The following RBFOX2 variants were observed in gnomAD, a reference collection of about 807,000 sequenced individuals.
RBFOX2 encodes the protein RNA binding protein fox-1 homolog 2.
In RBFOX2, 10 loss-of-function variants were observed where a neutral mutation model predicts 49.1. The ratio of observed to expected loss-of-function variants is 0.20; its 90% CI spans 0.13 to 0.35. RBFOX2 has a LOEUF of 0.35. Among genes scored for constraint, RBFOX2 ranks in the 10% least tolerant of loss-of-function variants. The pLI, the probability that RBFOX2 is intolerant of heterozygous loss-of-function variation, is 1.00. For missense variants in RBFOX2, 323 were observed against 486.9 expected (o/e 0.66, Z 3.17); for synonymous variants, 183 against 187.4 (o/e 0.98, Z 0.19).
At chr22:35,886,040 T>A (rs965551010) in intron 1 of RBFOX2, among the ~76,000 whole-genome samples, 1 of 151,766 alleles carries the variant, frequency 6.6e-6, no homozygotes, top group Non-Finnish European at 1.5e-5. Flanking sequence ...GTATTTTTAG[T>A]AGAGACGGGG....
intron 1 of RBFOX2, among the ~76,000 whole-genome samples, chr22:35,908,074 C>A (rs2049323538): frequency 6.6e-6 from 1 of 152,172 alleles, no homozygotes; most frequent in African/African-American, 2.4e-5. Flanking sequence ...GCCAAGAAGT[C>A]AACTGGTGTA....
intron 4 of RBFOX2, among the ~76,000 whole-genome samples, chr22:35,770,959 T>A (rs1942499888): frequency 6.6e-6 from 1 of 152,196 alleles, no homozygotes; most frequent in Admixed American, 6.5e-5. Context: ...TTTATAAGCA[T>A]CTTTTCCCTG....
intron 1 of RBFOX2, among the ~76,000 whole-genome samples, chr22:35,881,915 C>T (rs1430120357): frequency 1.3e-5 from 2 of 148,658 alleles, no homozygotes; most frequent in Admixed American, 6.7e-5. Flanking sequence ...GCCAAGATCA[C>T]GCCACTGCAC....
intron 2 of RBFOX2, among the ~76,000 whole-genome samples, chr22:35,801,388 A>G (rs776994098): frequency 2.6e-5 from 4 of 152,046 alleles, no homozygotes; most frequent in Middle Eastern, 3.4e-3. Flanking sequence ...AGGTTTTACA[A>G]TGTATTGCTC....
chr22:35,774,433 T>C (rs1943409158), intron 4 of RBFOX2, among the ~76,000 whole-genome samples: 1 of 152,156 alleles, frequency 6.6e-6, no homozygotes, highest in South Asian at 2.1e-4. Flanking sequence ...ATCTTAATAG[T>C]ACATTTTTAA....
intron 1 of RBFOX2, among the ~76,000 whole-genome samples, chr22:35,957,357 G>A (rs2055687465): frequency 6.6e-6 from 1 of 152,124 alleles, no homozygotes; most frequent in Non-Finnish European, 1.5e-5. Flanking sequence ...CCAACACACA[G>A]GCAGTTCTGA....
At chr22:35,878,023 C>CA (rs2149259509) in intron 1 of RBFOX2, among the ~76,000 whole-genome samples, 1 of 137,500 alleles carries the variant, frequency 7.3e-6, no homozygotes, top group South Asian at 2.3e-4. Flanking sequence ...CATATACATA[C>CA]TACTACTACT....
upstream of RBFOX2, chr22:35,961,802 C>T: frequency 9.4e-7 from 1 of 1,060,082 alleles, no homozygotes; most frequent in Non-Finnish European, 1.2e-6. Context: ...CTAAATTTAG[C>T]TACTTGGGAT....
intron 2 of RBFOX2, among the ~76,000 whole-genome samples, chr22:35,792,336 AAAAGAAAAGAAAAG>A (rs1947902573): frequency 1.0e-5 from 1 of 100,234 alleles, no homozygotes; most frequent in African/African-American, 5.5e-5. Context: ...AAAAAAAAAG[AAAAGAAAAGAAAAG>A]AAAAGAAAAG....
intron 1 of RBFOX2, among the ~76,000 whole-genome samples, chr22:35,885,835 C>T (rs1171677737): frequency 6.9e-6 from 1 of 144,402 alleles, no homozygotes; most frequent in African/African-American, 2.6e-5. Flanking sequence ...AAGTGAAACC[C>T]AAACCTAATT....
intron 2 of RBFOX2, among the ~76,000 whole-genome samples, chr22:35,783,572 A>C (rs977369478): frequency 6.6e-6 from 1 of 152,134 alleles, no homozygotes; most frequent in African/African-American, 2.4e-5. Context: ...GGGGGTGACC[A>C]CTAGAATGGT....
chr22:35,786,437 A>G (rs1026356296), intron 2 of RBFOX2, among the ~76,000 whole-genome samples: 9 of 152,254 alleles, frequency 5.9e-5, no homozygotes, highest in African/African-American at 1.9e-4. Context: ...ATAGATAAAA[A>G]TACATAAATT....
chr22:35,875,607 GGT>G (rs56137825), intron 1 of RBFOX2, among the ~76,000 whole-genome samples: 12,274 of 117,296 alleles, frequency 0.1, 563 homozygotes, highest in Middle Eastern at 0.12. Context: ...TGCTCACAAG[GGT>G]GTGTGTGTGT....
At chr22:35,947,672 T>G (rs199510306) in intron 1 of RBFOX2, among the ~76,000 whole-genome samples, 1 of 34,144 alleles carries the variant, frequency 2.9e-5, no homozygotes, top group African/African-American at 1.2e-4. Flanking sequence ...GTTTAAAAAG[T>G]AAAAAAAAAA....
chr22:35,924,162 T>C (rs1201822282), intron 1 of RBFOX2, among the ~76,000 whole-genome samples: 1 of 152,204 alleles, frequency 6.6e-6, no homozygotes, highest in East Asian at 1.9e-4. Flanking sequence ...GTATTCCACC[T>C]GTTAGCCCTC....
At chr22:35,888,488 T>C (rs943871746) in intron 1 of RBFOX2, among the ~76,000 whole-genome samples, 1 of 152,152 alleles carries the variant, frequency 6.6e-6, no homozygotes, top group Admixed American at 6.5e-5. Context: ...GTCCATTTAA[T>C]GTTGCTATAA....
At chr22:35,897,766 A>G in intron 1 of RBFOX2, 1 of 765,066 alleles carries the variant, frequency 1.3e-6, no homozygotes, top group Non-Finnish European at 2.4e-6. Flanking sequence ...ATAATTAAGG[A>G]ATCTATCCTC....
At chr22:36,012,635 A>C (rs2058865910) in intron 1 of RBFOX2, among the ~76,000 whole-genome samples, 2 of 152,166 alleles carry the variant, frequency 1.3e-5, no homozygotes, top group African/African-American at 4.8e-5. Context: ...GAGTATTACG[A>C]GCAATTTTAG....
intron 1 of RBFOX2, among the ~76,000 whole-genome samples, chr22:35,909,897 G>C (rs1320536747): frequency 6.6e-6 from 1 of 152,228 alleles, no homozygotes; most frequent in Non-Finnish European, 1.5e-5. Context: ...ATAGGCGTGA[G>C]CCACTGTGCC....
Sources: allele counts gnomAD v4.1 joint callset (sites outside exome capture counted in the v4.1 genomes callset), GRCh38; gene constraint gnomAD v4.1.1; transcripts MANE v1.5; gene names NCBI Gene and HGNC (gene_info 2026-07-23, HGNC 2026-07-21).